DST: variants seen among roughly 807,000 people sequenced by gnomAD.
DST encodes the protein bullous pemphigoid antigen.
A neutral mutation model predicts 875.2 loss-of-function variants in DST; 253 were observed. That is an observed-to-expected ratio of 0.29 (90% CI 0.26 to 0.32). The LOEUF is 0.32. DST is among the 10% of genes least tolerant of loss of function. The pLI is 1.00. For synonymous variants in DST, 3,124 were observed against 3,197.1 expected (o/e 0.98, Z 0.77); for missense variants, 8,287 against 9,111.6 (o/e 0.91, Z 3.68).
At chr6:56,473,799 T>A (rs1441017615) in intron 93 of DST, 74 bp downstream of exon 93, 1 of 1,470,118 alleles carries the variant, frequency 6.8e-7, no homozygotes, top group East Asian at 2.5e-5. Context: ...GCCCCCAAAT[T>A]TCAAATAATT....
At position 56,901,459 on chromosome 6, in the gene DST, C is replaced by T. The variant is rs6938131; in HGVS notation, c.217-838G>A. On this transcript the variant is annotated intron_variant, in intron 2 of 103. Coordinates refer to ENST00000680361, the MANE Select transcript of DST (RefSeq NM_001374736.1). ...AAAAATCAAAAATTAGCTGGTCATGCTGGTGGACGCCAGTAATCCCAGCTA... is the reference window on the plus strand; with the variant it reads ...AAAAATCAAAAATTAGCTGGTCATGTTGGTGGACGCCAGTAATCCCAGCTA... Among the ~76,000 whole-genome samples, 644 of 152,188 alleles carry T rather than the reference C, an allele frequency of 4.2e-3. 8 individuals are homozygous for T. The highest frequency in any genetic ancestry group is 0.015 in the African/African-American group (623 of 41,528).
In DST at chr6:56,553,231, G is replaced by T; in HGVS notation, c.15561C>A (p.Asn5187Lys). The T allele has an allele frequency of 6.2e-7, 1 of 1,613,866 alleles. No homozygotes were observed. The highest frequency in any genetic ancestry group is 8.5e-7 in the Non-Finnish European group (1 of 1,179,892). The change falls in exon 61 of 104, where the codon AAC becomes AAA. Residue 5187 changes from asparagine to lysine, a missense_variant. Coordinates refer to ENST00000680361, the MANE Select transcript of DST (RefSeq NM_001374736.1). ...AGCAAAATTTTATTTCCTCCAGGTTGTTTTGGCATTTGTCTATCCATGGCC... is the reference window on the plus strand; with the variant it reads ...AGCAAAATTTTATTTCCTCCAGGTTTTTTTGGCATTTGTCTATCCATGGCC... The part of the protein sequence containing the change: ...TLWPWIDKCQ[N>K]NLEEIKFCLD...
chr6:56,504,356 T>C (rs1464272061), intron 77 of DST, among the ~76,000 whole-genome samples: 3 of 152,110 alleles, frequency 2.0e-5, no homozygotes, highest in East Asian at 1.9e-4. Context: ...ATTATGAACT[T>C]CTAAAAAAAT....
In DST at chr6:56,618,430, T is replaced by C. The variant is rs138838195; in HGVS notation, c.4930-3946A>G. 7.5e-5 allele frequency: 121 copies of C among 1,614,230 alleles called. 1 individual carries two copies. The African/African-American group carries it at 1.3e-3, about 17-fold the overall frequency. On this transcript the variant is annotated intron_variant, in intron 36 of 103. Coordinates refer to ENST00000680361, the MANE Select transcript of DST (RefSeq NM_001374736.1). ...TACAGTCTTTGGCTGTGCTCTTTTT[T>C]TGAATTTCACACTGGAGCAAAACTA...
rs142236933 is a variant in DST at position 56,713,382 on chromosome 6, A to G, written c.688-9013T>C. 8.8e-3 allele frequency among the ~76,000 whole-genome samples: 1,335 copies of G among 152,338 alleles called. 15 individuals are homozygous for G. The highest frequency in any genetic ancestry group is 0.03 in the African/African-American group (1,228 of 41,560). On this transcript the variant is annotated intron_variant, in intron 5 of 103. Coordinates refer to ENST00000680361, the MANE Select transcript of DST (RefSeq NM_001374736.1). ...TTGTCAAATGAGCTATAGGTTGTCAATGCCTGACCTATAATCTCAACACAC... is the reference window on the plus strand; with the variant it reads ...TTGTCAAATGAGCTATAGGTTGTCAGTGCCTGACCTATAATCTCAACACAC...
intron 3 of DST, among the ~76,000 whole-genome samples, chr6:56,865,621 G>T (rs1172204300): frequency 6.6e-6 from 1 of 152,156 alleles, no homozygotes; most frequent in African/African-American, 2.4e-5. Context: ...CTTCCAAAGT[G>T]CTGGGATTAC....
Position 56,642,101 on chromosome 6 carries a change from C to G in DST, c.1873G>C (p.Asp625His). The G allele has an allele frequency of 6.2e-7, 1 of 1,608,070 alleles. No individual in the cohort carries two copies. The highest frequency in any genetic ancestry group is 1.1e-5 in the South Asian group (1 of 90,924). Reference sequence around the variant, plus strand: ...ACTCCTGATTCTAATCTTTTAGAATCCTGTATTTTAAAAGAACTCAGTATT... The same window carrying G: ...ACTCCTGATTCTAATCTTTTAGAATGCTGTATTTTAAAAGAACTCAGTATT... ...LILAGNALQS[D>H]SKRLESGVQF... The change falls in exon 17 of 104, where the codon GAT becomes CAT. Residue 625 changes from aspartate (D) to histidine (H), a missense_variant and splice_region_variant. Around this residue, in one of 10 missense-constraint regions of DST, gnomAD observed 1,160 missense variants for 1,424.3 expected, o/e 0.81. Transcript: ENST00000680361.
In DST at chr6:56,608,478, C is replaced by A. The variant is rs1320888505; in HGVS notation, c.6150G>T (p.Gln2050His). ...CACTGCTGGAAGTTATTAAATCACA[C>A]TGTACTGCTTCGTCTACAGTTAAAC... is the stretch of plus-strand genomic sequence containing the variant. ...AKRLTVDEAVQCDLITSSSAL... is the reference protein window; with the variant it reads ...AKRLTVDEAVHCDLITSSSAL... The change falls in exon 40 of 104, where the codon CAG becomes CAT. Residue 2050 changes from glutamine (Q) to histidine (H), a missense_variant. Physicochemically the swap from Gln to His is conservative, Grantham distance 24. Coordinates refer to ENST00000680361, the MANE Select transcript of DST (RefSeq NM_001374736.1). 6.2e-7 allele frequency: 1 copy of A among 1,613,688 alleles called. No individual in the cohort carries two copies.
At position 56,954,599 on chromosome 6, in the gene DST, G is replaced by T; in HGVS notation, c.-12C>A. On this transcript the variant is annotated 5_prime_UTR_variant, in exon 1 of 104. Coordinates refer to ENST00000680361, the MANE Select transcript of DST (RefSeq NM_001374736.1). ...GCCGCGGCGATCATGGTGCGGGCGA[G>T]GCGAGGGCGACTCGACGGCGGGGCT... The T allele has an allele frequency of 7.5e-7, 1 of 1,335,560 alleles. No individual in the cohort carries two copies. The highest frequency in any genetic ancestry group is 9.9e-7 in the Non-Finnish European group (1 of 1,006,220). 82.7% of individuals were successfully genotyped at this position (1,335,560 alleles called of 1,614,324 possible). A position where few individuals can be genotyped will look rare whatever the true frequency, so the allele number is the denominator to read the frequency against.
chr6:56,817,659 A>C (rs2099768173), intron 4 of DST, among the ~76,000 whole-genome samples: 1 of 152,146 alleles, frequency 6.6e-6, no homozygotes, highest in Admixed American at 6.5e-5. Flanking sequence ...TTATGTGTTA[A>C]AGGAAATCAT....
rs1336921423 is a variant in DST, at chr6:56,476,198, ACTT to A, written c.21812_21814del (p.Glu7271del). The stretch of plus-strand genomic sequence containing the variant: ...CACCTCTTCGATCTCCTGGGGGATG[ACTT>A]CTTTATCCTTATCAGTAAGTGTAGT... On this transcript the variant is annotated inframe_deletion, in exon 92 of 104. Transcript: ENST00000680361. The A allele has an allele frequency of 6.2e-7, 1 of 1,612,930 alleles. No homozygotes were observed. Among genetic ancestry groups the A allele is most frequent in the Admixed American group, 1.7e-5 (1 of 59,900 alleles).
At chr6:56,813,135 CA>C (rs1356563328) in intron 4 of DST, among the ~76,000 whole-genome samples, 1 of 148,532 alleles carries the variant, frequency 6.7e-6, no homozygotes, top group East Asian at 2.0e-4. Flanking sequence ...ATCTCAAGAA[CA>C]AAAAACCAAA....
At chr6:56,495,801 C>G (rs547978372) in intron 82 of DST, among the ~76,000 whole-genome samples, 3 of 152,004 alleles carry the variant, frequency 2.0e-5, no homozygotes, top group Admixed American at 6.6e-5. Context: ...AAATTCTACA[C>G]CGAATTAGTA....
intron 3 of DST, chr6:56,863,746 T>A (rs574303779): frequency 6.6e-6 from 1 of 152,232 alleles, no homozygotes; most frequent in African/African-American, 2.4e-5. Flanking sequence ...TAAAACAATA[T>A]GATGAATTCT....
intron 5 of DST, among the ~76,000 whole-genome samples, chr6:56,727,824 T>C (rs903593544): frequency 5.3e-5 from 8 of 152,216 alleles, no homozygotes. Context: ...TCTTTATATT[T>C]TGGCATAATG....
At chr6:56,563,464 C>G (rs2097577824) in intron 55 of DST, among the ~76,000 whole-genome samples, 1 of 151,962 alleles carries the variant, frequency 6.6e-6, no homozygotes, top group Non-Finnish European at 1.5e-5. Context: ...GTATAAGTTC[C>G]TTGTAGATTC....
chr6:56,607,806 A>G lies in DST; in HGVS notation c.6822T>C (p.Ala2274=). The change falls in exon 40 of 104, where the codon GCT becomes GCC. Residue 2274 remains alanine, a synonymous_variant. Coordinates refer to ENST00000680361, the MANE Select transcript of DST (RefSeq NM_001374736.1). The stretch of plus-strand genomic sequence containing the variant: ...GACATTTATTGAAACTACTTGGTGT[A>G]GCTGTACATTCATCCTTTTCTCTAC... ...ASGREKDECT[A]TPSSFNKCHC... 1.2e-6 allele frequency: 2 copies of G among 1,613,424 alleles called. No homozygotes were observed. Among genetic ancestry groups the G allele is most frequent in the Non-Finnish European group, 1.7e-6 (2 of 1,179,664 alleles).
intron 3 of DST, among the ~76,000 whole-genome samples, chr6:56,868,318 A>G (rs1437537687): frequency 6.6e-6 from 1 of 152,174 alleles, no homozygotes; most frequent in Non-Finnish European, 1.5e-5. Context: ...TTTCCTTAAA[A>G]CAACAACTCA....
intron 30 of DST, 52 bp downstream of exon 30, chr6:56,631,158 TA>T: frequency 1.1e-6 from 1 of 900,410 alleles, no homozygotes; most frequent in Non-Finnish European, 1.6e-6. Flanking sequence ...TAATAGTAAA[TA>T]AAAATGAGAG....
Sources: gnomAD v4.1 joint callset for allele counts (sites outside exome capture counted in the v4.1 genomes callset) on GRCh38, gnomAD v4.1.1 for gene constraint, gnomAD v4.1.1 regional missense constraint, MANE v1.5 for transcripts, NCBI Gene and HGNC (gene_info 2026-07-23, HGNC 2026-07-21) for gene names.